Variants in ZNF385D observed in about 807,000 individuals in gnomAD.
ZNF385D encodes zinc finger protein 659.
ZNF385D carries 15 observed loss-of-function variants against 35.8 expected under a neutral mutation model. The observed-to-expected ratio is 0.42, with a 90% CI of 0.28 to 0.64. ZNF385D has a LOEUF of 0.64. Among genes scored for constraint, ZNF385D ranks in the 30% least tolerant of loss-of-function variants. The probability of loss-of-function intolerance (pLI) is 0.23; values close to 1 mark genes in which losing one functional copy is unlikely to be tolerated. For synonymous variants in ZNF385D, 212 were observed against 186.8 expected (o/e 1.13, Z -1.10); for missense variants, 474 against 494.6 (o/e 0.96, Z 0.39).
intron 3 of ZNF385D, among the ~76,000 whole-genome samples, chr3:21,771,119 T>C (rs1285727201): frequency 1.3e-5 from 2 of 151,310 alleles, no homozygotes; most frequent in African/African-American, 4.9e-5. Flanking sequence ...AGGGATAGCA[T>C]TAGGAGATAT....
chr3:21,841,588 A>G (rs929747046), intron 3 of ZNF385D, among the ~76,000 whole-genome samples: 3 of 151,874 alleles, frequency 2.0e-5, no homozygotes, highest in South Asian at 2.1e-4. Flanking sequence ...AAAATTTTCC[A>G]TTTTTGTGAA....
intron 3 of ZNF385D, among the ~76,000 whole-genome samples, chr3:22,126,050 T>C (rs1453085500): frequency 6.6e-6 from 1 of 152,082 alleles, no homozygotes; most frequent in Admixed American, 6.6e-5. Flanking sequence ...TCTATGAGTA[T>C]GTAATATATG....
chr3:21,960,999 T>G (rs1281500907), intron 3 of ZNF385D, among the ~76,000 whole-genome samples: 1 of 152,100 alleles, frequency 6.6e-6, no homozygotes, highest in African/African-American at 2.4e-5. Flanking sequence ...TCTGCTGACC[T>G]GTGGTGCTAT....
chr3:22,341,679 T>G (rs888374265), intron 2 of ZNF385D, among the ~76,000 whole-genome samples: 3 of 152,230 alleles, frequency 2.0e-5, no homozygotes, highest in Non-Finnish European at 2.9e-5. Context: ...GAGTTGATAG[T>G]CATATCTTTT....
chr3:21,746,889 A>T (rs1486603553), intron 1 of ZNF385D, among the ~76,000 whole-genome samples: 1 of 152,214 alleles, frequency 6.6e-6, no homozygotes, highest in Non-Finnish European at 1.5e-5. Context: ...GGTGAACTTG[A>T]TGGTCCAGCT....
intron 3 of ZNF385D, among the ~76,000 whole-genome samples, chr3:22,149,011 G>A (rs1414658709): frequency 1.3e-5 from 2 of 152,076 alleles, no homozygotes; most frequent in African/African-American, 4.8e-5. Context: ...CCAGTTAAGT[G>A]GGAGTAAAGG....
chr3:22,044,070 T>C (rs1220018178), intron 3 of ZNF385D, among the ~76,000 whole-genome samples: 3 of 148,872 alleles, frequency 2.0e-5, no homozygotes, highest in Non-Finnish European at 4.4e-5. Flanking sequence ...GGTGATGAGA[T>C]GAAACACGAA....
At position 21,588,774 on chromosome 3, in the gene ZNF385D, C is replaced by T. The variant is rs557482340; in HGVS notation, c.166-24090G>A. On this transcript the variant is annotated intron_variant, in intron 2 of 7. Coordinates refer to ENST00000281523, the MANE Select transcript of ZNF385D (RefSeq NM_024697.3). The stretch of plus-strand genomic sequence containing the variant: ...TTAAAGAATGAGAACATGTAGAGGC[C>T]ATGACCTACTAGACATCAAGCCTTA... Among the ~76,000 whole-genome samples the T allele has an allele frequency of 3.9e-5, 6 of 152,080 alleles. No homozygotes were observed. In the East Asian group the frequency reaches 5.8e-4, roughly 15 times the overall value.
intron 3 of ZNF385D, among the ~76,000 whole-genome samples, chr3:21,536,806 G>GAT (rs2062045395): frequency 6.6e-6 from 1 of 151,972 alleles, no homozygotes; most frequent in Non-Finnish European, 1.5e-5. Flanking sequence ...TAAATACAGT[G>GAT]GCCAGAGTAA....
intron 3 of ZNF385D, among the ~76,000 whole-genome samples, chr3:22,022,877 C>T (rs934760142): frequency 1.3e-5 from 2 of 152,064 alleles, no homozygotes; most frequent in Admixed American, 6.6e-5. Context: ...TCCACTTTGG[C>T]TTGTTTCTTT....
chr3:21,440,732 C>A (rs1701817995), intron 4 of ZNF385D, among the ~76,000 whole-genome samples: 1 of 152,072 alleles, frequency 6.6e-6, no homozygotes. Context: ...TAAAACTATT[C>A]TAGAGTTAAA....
chr3:22,008,316 G>T (rs1025568039), intron 3 of ZNF385D, among the ~76,000 whole-genome samples: 1 of 149,196 alleles, frequency 6.7e-6, no homozygotes, highest in African/African-American at 2.5e-5. Flanking sequence ...AAAAGGCAAA[G>T]TTCAACAGAT....
intron 2 of ZNF385D, among the ~76,000 whole-genome samples, chr3:22,205,219 T>G (rs576084978): frequency 1.1e-4 from 16 of 152,146 alleles, no homozygotes; most frequent in Non-Finnish European, 1.9e-4. Context: ...ATGACAGGTT[T>G]AAAATGCCGA....
At chr3:22,339,405 C>A (rs573344122) in intron 2 of ZNF385D, among the ~76,000 whole-genome samples, 3 of 152,100 alleles carry the variant, frequency 2.0e-5, no homozygotes, top group Admixed American at 2.0e-4. Flanking sequence ...ATACTATGTG[C>A]CATATACTAT....
At chr3:21,806,239 G>C (rs2072640177) in intron 3 of ZNF385D, among the ~76,000 whole-genome samples, 1 of 150,516 alleles carries the variant, frequency 6.6e-6, no homozygotes, top group African/African-American at 2.4e-5. Context: ...GGCAGGGGGA[G>C]GTTATACCAA....
intron 2 of ZNF385D, among the ~76,000 whole-genome samples, chr3:21,652,580 C>T (rs965804969): frequency 4.2e-4 from 64 of 151,926 alleles, no homozygotes; most frequent in African/African-American, 1.5e-3. Context: ...CCCATCAACT[C>T]GTCATTTAGC....
chr3:21,921,844 A>G (rs1162035471), intron 3 of ZNF385D, among the ~76,000 whole-genome samples: 4 of 116,352 alleles, frequency 3.4e-5, no homozygotes, highest in African/African-American at 7.7e-5. Flanking sequence ...TCAGTAATGA[A>G]AAAAAAAAAA....
chr3:21,749,606 G>T (rs868239704), intron 1 of ZNF385D, among the ~76,000 whole-genome samples: 3 of 152,146 alleles, frequency 2.0e-5, no homozygotes, highest in Non-Finnish European at 4.4e-5. Context: ...GAAAGAGATG[G>T]TTTTTAACTA....
chr3:21,802,238 T>C (rs6779369), intron 3 of ZNF385D, among the ~76,000 whole-genome samples: 1 of 152,186 alleles, frequency 6.6e-6, no homozygotes, highest in Non-Finnish European at 1.5e-5. Flanking sequence ...ATTTAGTATA[T>C]ATTTAAATGC....
Sources: gnomAD v4.1 joint callset for allele counts (sites outside exome capture counted in the v4.1 genomes callset) on GRCh38, gnomAD v4.1.1 for gene constraint, MANE v1.5 for transcripts, NCBI Gene and HGNC (gene_info 2026-07-23, HGNC 2026-07-21) for gene names.